Variants in METTL25 observed in about 807,000 individuals in gnomAD.
METTL25 encodes the protein methyltransferase like 25.
In METTL25, 64 loss-of-function variants were observed where a neutral mutation model predicts 71.6. That is an observed-to-expected ratio of 0.89 (90% CI 0.73 to 1.10). The LOEUF is 1.10. Among genes scored for constraint, METTL25 ranks in the 50% least tolerant of loss-of-function variants. The pLI is 0.00. For synonymous variants in METTL25, 287 were observed against 250.3 expected (o/e 1.15, Z -1.38); for missense variants, 807 against 707.0 (o/e 1.14, Z -1.60).
intron 7 of METTL25, among the ~76,000 whole-genome samples, chr12:82,435,677 T>A (rs112645916): frequency 1.5e-4 from 22 of 151,242 alleles, no homozygotes; most frequent in African/African-American, 4.6e-4. Context: ...ATCTGTAAAA[T>A]AGGGAAAAAA....
intron 2 of METTL25, among the ~76,000 whole-genome samples, chr12:82,388,073 T>C (rs1025303620): frequency 4.6e-5 from 7 of 152,252 alleles, no homozygotes; most frequent in African/African-American, 1.7e-4. Flanking sequence ...AGTGATACTT[T>C]TGATATCTAT....
chr12:82,430,878 T>G lies in METTL25; in HGVS notation c.1280-15T>G. ...AATTTTATTTAAATAATCCGTATTTTTCCCCCATCTGCAGAACGTACTCAG... is the reference window on the plus strand; with the variant it reads ...AATTTTATTTAAATAATCCGTATTTGTCCCCCATCTGCAGAACGTACTCAG... On this transcript the variant is annotated splice_polypyrimidine_tract_variant and intron_variant, in intron 5 of 11. Coordinates refer to ENST00000248306, the MANE Select transcript of METTL25 (RefSeq NM_032230.3). 7.3e-7 allele frequency: 1 copy of G among 1,363,602 alleles called. No individual in the cohort carries two copies. The allele number at this position is 1,363,602 out of a possible 1,614,324, so 84.5% of individuals were successfully genotyped here.
At chr12:82,380,491 G>A (rs1305332852) in intron 1 of METTL25, among the ~76,000 whole-genome samples, 1 of 152,058 alleles carries the variant, frequency 6.6e-6, no homozygotes, top group East Asian at 1.9e-4. Context: ...GAATGTACAT[G>A]TATATGTGTA....
chr12:82,359,275 G>T, intron 1 of METTL25, among the ~76,000 whole-genome samples: 1 of 134,326 alleles, frequency 7.4e-6, no homozygotes, highest in Non-Finnish European at 1.6e-5. Flanking sequence ...CCTCAATTTA[G>T]GAGGTCAGGA....
At chr12:82,366,555 C>T (rs1882593594) in intron 1 of METTL25, among the ~76,000 whole-genome samples, 1 of 150,894 alleles carries the variant, frequency 6.6e-6, no homozygotes, top group African/African-American at 2.4e-5. Flanking sequence ...ATAGATTATT[C>T]TTTTATCAAG....
chr12:82,361,196 C>G (rs185293429), intron 1 of METTL25, among the ~76,000 whole-genome samples: 50 of 152,282 alleles, frequency 3.3e-4, no homozygotes, highest in Non-Finnish European at 6.8e-4. Flanking sequence ...TGAAAGTTCT[C>G]CTAGTCCCCA....
Position 82,358,718 on chromosome 12 carries a change from C to T in METTL25, c.153C>T (p.Val51=), listed in dbSNP as rs776912321. The T allele has an allele frequency of 1.9e-6, 3 of 1,614,122 alleles. No individual in the cohort carries two copies. Among genetic ancestry groups the T allele is most frequent in the Non-Finnish European group, 2.5e-6 (3 of 1,180,036 alleles). ...FYTESVWEEL[V]DLPPETVLAA... is the part of the protein sequence containing the mutation. Reference sequence around the variant, plus strand: ...CAGAATCCGTGTGGGAGGAGCTGGTCGACTTGCCACCGGAGACAGTGCTGG... The same window carrying T: ...CAGAATCCGTGTGGGAGGAGCTGGTTGACTTGCCACCGGAGACAGTGCTGG... The change falls in exon 1 of 12, where the codon GTC becomes GTT. Residue 51 remains valine, a synonymous_variant. Transcript: ENST00000248306.
intron 5 of METTL25, among the ~76,000 whole-genome samples, chr12:82,426,232 T>A (rs910754053): frequency 1.3e-5 from 2 of 152,034 alleles, no homozygotes; most frequent in African/African-American, 4.8e-5. Context: ...TGCCTCCTTA[T>A]CAGTTGTTTG....
Position 82,478,528 on chromosome 12 carries a change from TTTAA to T in METTL25, c.1720-398_1720-395del, listed in dbSNP as rs1423234554. ...CATATATAGTGCATATTATTTGTACTTTAATTAATATTAGAATAAAATTATAAAT... is the reference window on the plus strand; with the variant it reads ...CATATATAGTGCATATTATTTGTACTTTAATATTAGAATAAAATTATAAAT... On this transcript the variant is annotated intron_variant, in intron 11 of 11. Coordinates refer to ENST00000248306, the MANE Select transcript of METTL25 (RefSeq NM_032230.3). Among the ~76,000 whole-genome samples the T allele has an allele frequency of 1.1e-4, 16 of 151,876 alleles. No homozygotes were observed. The South Asian group carries it at 1.7e-3, about 16-fold the overall frequency.
intron 1 of METTL25, among the ~76,000 whole-genome samples, chr12:82,381,236 C>T (rs536022268): frequency 6.6e-6 from 1 of 151,968 alleles, no homozygotes; most frequent in African/African-American, 2.4e-5. Context: ...TTTTGTTTTC[C>T]CTCAAATTAA....
intron 1 of METTL25, among the ~76,000 whole-genome samples, chr12:82,370,283 G>A (rs925398773): frequency 1.9e-4 from 29 of 152,238 alleles, no homozygotes; most frequent in Middle Eastern, 6.8e-3. Flanking sequence ...TGATGGCCTC[G>A]ATCCTAGAGG....
intron 8 of METTL25, among the ~76,000 whole-genome samples, chr12:82,453,935 CAT>C (rs1891314236): frequency 6.6e-6 from 1 of 152,022 alleles, no homozygotes; most frequent in Admixed American, 6.6e-5. Flanking sequence ...TAGTCTCAAA[CAT>C]ATTTTTATGC....
chr12:82,382,801 G>A (rs1257788949), intron 1 of METTL25, among the ~76,000 whole-genome samples: 2 of 151,632 alleles, frequency 1.3e-5, no homozygotes, highest in East Asian at 1.9e-4. Flanking sequence ...CTACAGCTTC[G>A]ACTTTGCAGG....
intron 1 of METTL25, among the ~76,000 whole-genome samples, chr12:82,376,378 T>C (rs117951130): frequency 0.033 from 4,999 of 152,316 alleles, 92 homozygotes; most frequent in Admixed American, 0.041. Context: ...GAAATTCTAG[T>C]CCCCCTGCTT....
chr12:82,414,114 T>A (rs536206912), intron 5 of METTL25, among the ~76,000 whole-genome samples: 1 of 152,232 alleles, frequency 6.6e-6, no homozygotes, highest in African/African-American at 2.4e-5. Flanking sequence ...AGTGTAGGTA[T>A]TGTTCTTTGC....
chr12:82,378,539 A>G (rs548922583), intron 1 of METTL25, among the ~76,000 whole-genome samples: 167 of 152,358 alleles, frequency 1.1e-3, no homozygotes, highest in African/African-American at 3.4e-3. Context: ...TAATGTTGAA[A>G]GGGAGCTTAG....
At chr12:82,425,356 A>G (rs896461533) in intron 5 of METTL25, among the ~76,000 whole-genome samples, 5 of 152,064 alleles carry the variant, frequency 3.3e-5, no homozygotes, top group Non-Finnish European at 4.4e-5. Flanking sequence ...GTTCAAAGAA[A>G]GTATTAAAGG....
intron 1 of METTL25, among the ~76,000 whole-genome samples, chr12:82,383,553 G>C (rs928110807): frequency 6.6e-6 from 1 of 152,096 alleles, no homozygotes; most frequent in Admixed American, 6.6e-5. Flanking sequence ...CACATGAAAG[G>C]TAAAGTGCTT....
chr12:82,404,658 CTT>C (rs1886927429), intron 5 of METTL25, among the ~76,000 whole-genome samples: 1 of 152,046 alleles, frequency 6.6e-6, no homozygotes, highest in African/African-American at 2.4e-5. Context: ...GGTGTAGACA[CTT>C]TGTGTGTCAT....
Sources: gnomAD v4.1 joint callset for allele counts (sites outside exome capture counted in the v4.1 genomes callset) on GRCh38, gnomAD v4.1.1 for gene constraint, MANE v1.5 for transcripts, NCBI Gene and HGNC (gene_info 2026-07-23, HGNC 2026-07-21) for gene names.